The following DRP2 variants were observed in gnomAD, a reference collection of about 807,000 sequenced individuals.
DRP2 encodes dystrophin-related protein 2.
A neutral mutation model predicts 78.2 loss-of-function variants in DRP2; 29 were observed. That is an observed-to-expected ratio of 0.37 (90% CI 0.28 to 0.51). The LOEUF is 0.51. Among genes scored for constraint, DRP2 ranks in the 20% least tolerant of loss-of-function variants. The probability of loss-of-function intolerance (pLI) is 0.94; values close to 1 mark genes in which losing one functional copy is unlikely to be tolerated. For missense variants in DRP2, 686 were observed against 770.6 expected (o/e 0.89, Z 1.30); for synonymous variants, 290 against 281.9 (o/e 1.03, Z -0.29).
chrX:101,233,008 G>A (rs1326490753), intron 3 of DRP2, among the ~76,000 whole-genome samples: 1 of 112,452 alleles, frequency 8.9e-6, no homozygotes, highest in African/African-American at 3.2e-5. Context: ...CTTGAGGGGA[G>A]TGGGGTGCAA....
chrX:101,227,565 G>C (rs1371325660), intron 2 of DRP2, among the ~76,000 whole-genome samples: 1 of 111,572 alleles, frequency 9.0e-6, no homozygotes, highest in Non-Finnish European at 1.9e-5. Flanking sequence ...TTGTACTGAG[G>C]ATCATGAAAG....
At chrX:101,260,305 CTGAT>C in intron 23 of DRP2, 136 bp downstream of exon 23, 1 of 967,059 alleles carries the variant, frequency 1.0e-6, no homozygotes, top group Admixed American at 3.0e-5. Context: ...GATTGGTTTA[CTGAT>C]TGATTAATTC....
intron 21 of DRP2, among the ~76,000 whole-genome samples, chrX:101,257,282 C>T (rs757956982): frequency 1.8e-5 from 2 of 108,738 alleles, no homozygotes; most frequent in South Asian, 4.2e-4. Context: ...TGAGTTTCTG[C>T]GTTTCTCACT....
chrX:101,224,454 T>C (rs1345789437), intron 1 of DRP2, 150 bp from the exon 2 acceptor site: 1 of 108,230 alleles, frequency 9.2e-6, no homozygotes, highest in Non-Finnish European at 1.9e-5. Context: ...TTTCTGCGCA[T>C]GCGCACAGTA....
At chrX:101,221,009 G>A (rs1427404959) in intron 1 of DRP2, among the ~76,000 whole-genome samples, 2 of 110,673 alleles carry the variant, frequency 1.8e-5, no homozygotes, top group Non-Finnish European at 3.8e-5. Context: ...AGACTATATG[G>A]GTAGTTAATG....
At chrX:101,254,307 G>C (rs1923257674) in intron 17 of DRP2, 118 bp from the exon 18 acceptor site, 1 of 911,650 alleles carries the variant, frequency 1.1e-6, no homozygotes, top group African/African-American at 2.0e-5. Context: ...GCAGGGTATG[G>C]TGGGCATGAG....
At chrX:101,236,068 C>T in intron 4 of DRP2, 45 bp downstream of exon 4, 1 of 1,178,150 alleles carries the variant, frequency 8.5e-7, no homozygotes, top group Non-Finnish European at 1.2e-6. Context: ...TGGTGTTGGG[C>T]TCCTTTTGCT....
Position 101,228,760 on chromosome X carries a change from T to G in DRP2, c.-63-2825T>G, listed in dbSNP as rs777652300. Among the ~76,000 whole-genome samples, 139 of 111,075 alleles carry G rather than the reference T, an allele frequency of 1.3e-3. 1 individual carries two copies. The highest frequency in any genetic ancestry group is 4.3e-3 in the African/African-American group (132 of 30,514). ...CCGTCTCTACCAAAAATACAAAAAATTATCCAGGCATTGTGGTGCACACCT... is the reference window on the plus strand; with the variant it reads ...CCGTCTCTACCAAAAATACAAAAAAGTATCCAGGCATTGTGGTGCACACCT... On this transcript the variant is annotated intron_variant, in intron 2 of 23. Transcript: ENST00000395209.
Position 101,256,236 on chromosome X carries a change from C to T in DRP2, c.2365C>T (p.Leu789=). Residue 789 remains leucine (L), a synonymous_variant, in exon 21 of 24, where the codon CTG becomes TTG. Transcript: ENST00000395209. ...TESKGELQKI[L]AHLEDENRIL... ...AAGCAAAGGGGAGCTACAGAAGATC[C>T]TGGCCCACTTGGAAGATGAGAACCG... 4 of 1,199,081 alleles carry T rather than the reference C, an allele frequency of 3.3e-6. No individual in the cohort carries two copies. Among genetic ancestry groups the T allele is most frequent in the Non-Finnish European group, 4.5e-6 (4 of 890,253 alleles).
intron 6 of DRP2, among the ~76,000 whole-genome samples, chrX:101,239,353 G>A (rs1258266727): frequency 1.8e-5 from 2 of 111,735 alleles, no homozygotes; most frequent in East Asian, 5.6e-4. Context: ...GGAGCAGCAT[G>A]TGTGGCCATT....
chrX:101,245,464 T>C lies in DRP2; in HGVS notation c.1177+15T>C. ...CCAAACCCTAGGTAAGAATGTGGGC[T>C]TCCTGTATAGGGTGGGCATATACAC... On this transcript the variant is annotated intron_variant, in intron 11 of 23. Transcript: ENST00000395209. The C allele has an allele frequency of 8.4e-7, 1 of 1,185,595 alleles. No individual in the cohort carries two copies. Among genetic ancestry groups the C allele is most frequent in the South Asian group, 1.8e-5 (1 of 54,340 alleles).
chrX:101,255,115 T>C, intron 19 of DRP2, 69 bp from the exon 20 acceptor site: 1 of 1,130,305 alleles, frequency 8.8e-7, no homozygotes, highest in Non-Finnish European at 1.2e-6. Flanking sequence ...TGCTGTGAGA[T>C]TAAAGTCCTT....
intron 12 of DRP2, among the ~76,000 whole-genome samples, chrX:101,247,734 C>T (rs375202087): frequency 2.2e-3 from 242 of 111,939 alleles, no homozygotes; most frequent in African/African-American, 7.1e-3. Context: ...AACTTACAGA[C>T]GAACCTATTT....
chrX:101,242,548 A>G lies in DRP2; in HGVS notation c.975+77A>G, dbSNP rs895754991. 3 of 1,113,390 alleles carry G rather than the reference A, an allele frequency of 2.7e-6. No homozygotes were observed. In the South Asian group the frequency reaches 6.3e-5, roughly 23 times the overall value. 91.8% of individuals were successfully genotyped at this position (1,113,390 alleles called of 1,213,427 possible). A position where few individuals can be genotyped will look rare whatever the true frequency, so the allele number is the denominator to read the frequency against. On this transcript the variant is annotated intron_variant, in intron 8 of 23. Coordinates refer to ENST00000395209, the MANE Select transcript of DRP2 (RefSeq NM_001939.3). ...GCTTGGGGGAAACTTCTTCAGGGGT[A>G]TGGAAATAGGATCTGCATGGGAAAA...
At position 101,227,451 on chromosome X, in the gene DRP2, C is replaced by T. The variant is rs1015806996; in HGVS notation, c.-64+2745C>T. On this transcript the variant is annotated intron_variant, in intron 2 of 23. Transcript: ENST00000395209. ...GAGGCAGAAGAATCTTTGTGTATAA[C>T]AAAGAGTACTCGCCCAGGAATCAGG... 2.7e-5 allele frequency among the ~76,000 whole-genome samples: 3 copies of T among 111,106 alleles called. No homozygotes were observed. The East Asian group carries it at 8.4e-4, about 31-fold the overall frequency.
chrX:101,237,184 G>A (rs1466186038), intron 4 of DRP2, among the ~76,000 whole-genome samples: 1 of 112,091 alleles, frequency 8.9e-6, no homozygotes, highest in African/African-American at 3.2e-5. Context: ...CTCCTGCTCA[G>A]AGGGCAGTTC....
intron 8 of DRP2, 44 bp downstream of exon 8, chrX:101,242,515 A>G: frequency 2.5e-6 from 3 of 1,179,947 alleles, no homozygotes; most frequent in Non-Finnish European, 3.4e-6. Flanking sequence ...GTGCCTCCAT[A>G]TAACTAGGCT....
intron 20 of DRP2, 25 bp downstream of exon 20, chrX:101,255,274 G>A (rs376637938): frequency 1.9e-5 from 22 of 1,188,557 alleles, no homozygotes; most frequent in Middle Eastern, 2.3e-4. Context: ...CTGCTTATTT[G>A]CCAGAAATAG....
At chrX:101,244,909 C>T in intron 9 of DRP2, 108 bp from the exon 10 acceptor site, 1 of 697,988 alleles carries the variant, frequency 1.4e-6, no homozygotes, top group Non-Finnish European at 2.1e-6. Flanking sequence ...TTCAGACATC[C>T]CCTTTTGGGC....
Sources: gnomAD v4.1 joint callset for allele counts (sites outside exome capture counted in the v4.1 genomes callset) on GRCh38, gnomAD v4.1.1 for gene constraint, MANE v1.5 for transcripts, NCBI Gene and HGNC (gene_info 2026-07-23, HGNC 2026-07-21) for gene names.